The following PPM1E variants were observed in gnomAD, a reference collection of about 807,000 sequenced individuals.
The protein encoded by PPM1E is protein phosphatase, Mg2+/Mn2+ dependent 1E.
A neutral mutation model predicts 65.9 loss-of-function variants in PPM1E; 20 were observed. That is an observed-to-expected ratio of 0.30 (90% confidence interval 0.21 to 0.44). The LOEUF (loss-of-function observed/expected upper bound fraction) is 0.44. PPM1E is among the 20% of genes least tolerant of loss of function. PPM1E has a pLI of 1.00. For missense variants in PPM1E, 713 were observed against 953.1 expected, an observed-to-expected ratio of 0.75 and a Z score of 3.32; for synonymous variants, 352 against 374.9, an observed-to-expected ratio of 0.94 and a Z score of 0.70.
intron 1 of PPM1E, among the ~76,000 whole-genome samples, chr17:58,810,386 T>C (rs1567840162): frequency 1.3e-5 from 2 of 151,964 alleles, no homozygotes; most frequent in Non-Finnish European, 2.9e-5. Flanking sequence ...TTTGTATTTG[T>C]AGTAGAGACA....
At chr17:58,828,805 A>G (rs1396287538) in intron 1 of PPM1E, among the ~76,000 whole-genome samples, 1 of 151,956 alleles carries the variant, frequency 6.6e-6, no homozygotes, top group Non-Finnish European at 1.5e-5. Context: ...ACCTGTCTCT[A>G]AAGAATGTTT....
chr17:58,916,915 A>G (rs1331175460), intron 1 of PPM1E, among the ~76,000 whole-genome samples: 1 of 152,154 alleles, frequency 6.6e-6, no homozygotes, highest in East Asian at 1.9e-4. Flanking sequence ...CAGTAACTGT[A>G]AGAACTATCT....
At chr17:58,780,126 A>G (rs1257946636) in intron 1 of PPM1E, among the ~76,000 whole-genome samples, 1 of 152,242 alleles carries the variant, frequency 6.6e-6, no homozygotes, top group African/African-American at 2.4e-5. Context: ...TTGTTGAAAT[A>G]TAGGGTATGC....
At chr17:58,887,162 CTTTTTTTTT>C (rs71143300) in intron 1 of PPM1E, among the ~76,000 whole-genome samples, 1 of 111,700 alleles carries the variant, frequency 9.0e-6, no homozygotes, top group Non-Finnish European at 1.8e-5. Context: ...AGGCCTTCTT[CTTTTTTTTT>C]TTTTTTTTTT....
intron 1 of PPM1E, among the ~76,000 whole-genome samples, chr17:58,795,573 G>T (rs753481245): frequency 3.3e-5 from 5 of 151,904 alleles, no homozygotes; most frequent in Non-Finnish European, 5.9e-5. Flanking sequence ...ATGTGGTGGC[G>T]CACGCCTGTG....
intron 1 of PPM1E, among the ~76,000 whole-genome samples, chr17:58,783,550 GT>G (rs2050069422): frequency 6.6e-6 from 1 of 152,158 alleles, no homozygotes; most frequent in Admixed American, 6.6e-5. Context: ...AATGACAGCA[GT>G]ATCAGCCCTT....
intron 2 of PPM1E, among the ~76,000 whole-genome samples, chr17:58,958,627 A>G (rs2029925413): frequency 6.6e-6 from 1 of 152,154 alleles, no homozygotes; most frequent in South Asian, 2.1e-4. Flanking sequence ...TAGAAAAAAA[A>G]AATAAATTAA....
At chr17:58,861,247 T>A (rs2050939356) in intron 1 of PPM1E, among the ~76,000 whole-genome samples, 1 of 152,246 alleles carries the variant, frequency 6.6e-6, no homozygotes, top group Admixed American at 6.5e-5. Flanking sequence ...TGCAAGAAGA[T>A]GTTTGCTTCA....
At chr17:58,896,460 C>T (rs2051418414) in intron 1 of PPM1E, among the ~76,000 whole-genome samples, 1 of 152,050 alleles carries the variant, frequency 6.6e-6, no homozygotes, top group Admixed American at 6.6e-5. Flanking sequence ...TGGTGCATGC[C>T]TGTAGTCCCA....
chr17:58,849,554 T>G (rs2050804821), intron 1 of PPM1E, among the ~76,000 whole-genome samples: 1 of 152,214 alleles, frequency 6.6e-6, no homozygotes, highest in African/African-American at 2.4e-5. Flanking sequence ...AGGATCAGGT[T>G]GTTCAGTTTC....
chr17:58,954,879 CAAA>C (rs10715470), intron 1 of PPM1E, among the ~76,000 whole-genome samples: 7 of 101,004 alleles, frequency 6.9e-5, no homozygotes, highest in Non-Finnish European at 7.8e-5. Context: ...GAGTCTCTCT[CAAA>C]AAAAAAAAAA....
Position 58,756,445 on chromosome 17 carries a change from C to A in PPM1E, c.448C>A (p.Gln150Lys), listed in dbSNP as rs2049765166. The change falls in exon 1 of 7, where the codon CAG becomes AAG. Residue 150 changes from glutamine to lysine, a missense_variant. By Grantham distance (53) the Gln-to-Lys change is moderately conservative. Around this residue, in one of 6 missense-constraint regions of PPM1E, gnomAD observed 84 missense variants for 113.9 expected, o/e 0.74. Coordinates refer to ENST00000308249, the MANE Select transcript of PPM1E (RefSeq NM_014906.5). Reference protein sequence around the residue: ...VEGESLDLCLQQLYKYNCPSF... With the variant: ...VEGESLDLCLKQLYKYNCPSF... ...GGGCGAAAGCCTGGACCTGTGCCTG[C>A]AGCAGCTCTACAAATAGTTAAGTAG... The A allele has an allele frequency of 7.6e-7, 1 of 1,321,648 alleles. No homozygotes were observed. The highest frequency in any genetic ancestry group is 9.6e-7 in the Non-Finnish European group (1 of 1,036,590). 81.9% of individuals were successfully genotyped at this position (1,321,648 alleles called of 1,614,324 possible). A position where few individuals can be genotyped will look rare whatever the true frequency, so the allele number is the denominator to read the frequency against.
chr17:58,937,025 G>T (rs1046369540), intron 1 of PPM1E, among the ~76,000 whole-genome samples: 1 of 151,822 alleles, frequency 6.6e-6, no homozygotes, highest in Non-Finnish European at 1.5e-5. Context: ...GGCCGGGCGC[G>T]GTGGCTCACG....
chr17:58,795,015 A>G (rs1208956804), intron 1 of PPM1E, among the ~76,000 whole-genome samples: 1 of 151,554 alleles, frequency 6.6e-6, no homozygotes, highest in Non-Finnish European at 1.5e-5. Flanking sequence ...CAGCCTCCCA[A>G]GTAGCTGGGG....
At chr17:58,818,996 T>G (rs2050453568) in intron 1 of PPM1E, among the ~76,000 whole-genome samples, 1 of 152,216 alleles carries the variant, frequency 6.6e-6, no homozygotes, top group African/African-American at 2.4e-5. Flanking sequence ...CTGGACAACA[T>G]GGGCTCCGTG....
chr17:58,882,752 A>G (rs1161296828), intron 1 of PPM1E, among the ~76,000 whole-genome samples: 4 of 152,008 alleles, frequency 2.6e-5, no homozygotes, highest in Non-Finnish European at 5.9e-5. Flanking sequence ...CTATTTAACT[A>G]CAATAACCAC....
At chr17:58,951,479 G>A (rs902183099) in intron 1 of PPM1E, 1 of 152,164 alleles carries the variant, frequency 6.6e-6, no homozygotes, top group Non-Finnish European at 1.5e-5. Context: ...AGGAGTTCGA[G>A]ACCAGTCTGG....
intron 1 of PPM1E, among the ~76,000 whole-genome samples, chr17:58,934,401 A>G (rs2143579349): frequency 6.6e-6 from 1 of 152,358 alleles, no homozygotes; most frequent in South Asian, 2.1e-4. Flanking sequence ...ATTATGTTAC[A>G]TGGTACACTG....
intron 1 of PPM1E, among the ~76,000 whole-genome samples, chr17:58,761,698 C>T (rs75706443): frequency 6.6e-6 from 1 of 152,178 alleles, no homozygotes; most frequent in Non-Finnish European, 1.5e-5. Context: ...CTTGAGGAAG[C>T]CTTTGCTTAC....
Sources: gnomAD v4.1 joint callset for allele counts (sites outside exome capture counted in the v4.1 genomes callset) on GRCh38, gnomAD v4.1.1 for gene constraint, gnomAD v4.1.1 regional missense constraint, MANE v1.5 for transcripts, NCBI Gene and HGNC (gene_info 2026-07-23, HGNC 2026-07-21) for gene names.